SNTG1: variants seen among roughly 807,000 people sequenced by gnomAD.
SNTG1 encodes gamma-1-syntrophin.
A neutral mutation model predicts 74.7 loss-of-function variants in SNTG1; 39 were observed. The observed-to-expected ratio is 0.52, with a 90% confidence interval of 0.40 to 0.68. The LOEUF (loss-of-function observed/expected upper bound fraction) is 0.68. Ranked by LOEUF, SNTG1 falls within the 30% of genes least tolerant of loss-of-function variation. The pLI, the probability that SNTG1 is intolerant of heterozygous loss-of-function variation, is 0.00. For missense variants in SNTG1, 685 were observed against 609.5 expected, an observed-to-expected ratio of 1.12 and a Z score of -1.30; for synonymous variants, 254 against 217.1, an observed-to-expected ratio of 1.17 and a Z score of -1.49.
chr8:50,234,558 T>C (rs944152920), intron 2 of SNTG1, among the ~76,000 whole-genome samples: 2 of 152,056 alleles, frequency 1.3e-5, no homozygotes, highest in Non-Finnish European at 2.9e-5. Context: ...TATTTTACCA[T>C]ACTTACATCA....
chr8:50,365,066 A>G (rs558889516), intron 2 of SNTG1, among the ~76,000 whole-genome samples: 1 of 152,272 alleles, frequency 6.6e-6, no homozygotes, highest in African/African-American at 2.4e-5. Flanking sequence ...CCTTACATAT[A>G]CTACAAATCT....
intron 1 of SNTG1, among the ~76,000 whole-genome samples, chr8:50,146,772 G>A (rs2081884896): frequency 1.3e-5 from 2 of 151,968 alleles, no homozygotes. Context: ...TTTCAATGTA[G>A]TTTAAATTTA....
At chr8:50,711,772 C>T (rs1421888544) in intron 17 of SNTG1, among the ~76,000 whole-genome samples, 1 of 152,120 alleles carries the variant, frequency 6.6e-6, no homozygotes, top group Non-Finnish European at 1.5e-5. Context: ...AGTAGCATAT[C>T]AAGAGGTGAT....
At chr8:50,789,768 T>C (rs2095685934) in intron 18 of SNTG1, among the ~76,000 whole-genome samples, 1 of 152,124 alleles carries the variant, frequency 6.6e-6, no homozygotes, top group South Asian at 2.1e-4. Context: ...ACCAGAATCA[T>C]CATTTTCTGA....
chr8:50,357,292 G>T (rs1003156828), intron 2 of SNTG1, among the ~76,000 whole-genome samples: 1 of 152,210 alleles, frequency 6.6e-6, no homozygotes, highest in African/African-American at 2.4e-5. Context: ...TATTCCCACA[G>T]TGGGGACTAT....
intron 9 of SNTG1, among the ~76,000 whole-genome samples, chr8:50,517,243 G>C (rs184603939): frequency 6.8e-4 from 104 of 152,250 alleles, no homozygotes; most frequent in African/African-American, 2.4e-3. Flanking sequence ...AAAAGCAATT[G>C]CTGAGAAATT....
intron 15 of SNTG1, among the ~76,000 whole-genome samples, chr8:50,700,264 G>T (rs2095418989): frequency 6.6e-6 from 1 of 152,154 alleles, no homozygotes; most frequent in South Asian, 2.1e-4. Context: ...ATTATTACTT[G>T]CATATAACTT....
At chr8:50,150,160 G>A (rs1341512802) in intron 1 of SNTG1, among the ~76,000 whole-genome samples, 1 of 152,100 alleles carries the variant, frequency 6.6e-6, no homozygotes, top group Admixed American at 6.5e-5. Flanking sequence ...AAGCAATTGT[G>A]AAGGGGTGTT....
intron 2 of SNTG1, among the ~76,000 whole-genome samples, chr8:50,392,674 C>T (rs758487229): frequency 1.3e-5 from 2 of 152,062 alleles, no homozygotes; most frequent in Non-Finnish European, 2.9e-5. Flanking sequence ...ATATGAATTA[C>T]TTTTCTGAAC....
intron 15 of SNTG1, among the ~76,000 whole-genome samples, chr8:50,692,001 A>G (rs9918742): frequency 0.23 from 34,390 of 151,690 alleles, 4,053 homozygotes; most frequent in Middle Eastern, 0.31. Context: ...CATTCATTTC[A>G]TCTTCCATCA....
intron 2 of SNTG1, among the ~76,000 whole-genome samples, chr8:50,356,425 T>C (rs1390210751): frequency 6.6e-6 from 1 of 152,198 alleles, no homozygotes; most frequent in African/African-American, 2.4e-5. Context: ...AATGGCAGTG[T>C]TCTATTGAGC....
At chr8:50,693,649 C>T (rs1392048306) in intron 15 of SNTG1, among the ~76,000 whole-genome samples, 1 of 152,122 alleles carries the variant, frequency 6.6e-6, no homozygotes, top group Admixed American at 6.5e-5. Flanking sequence ...CACTTAACAG[C>T]AACAGAATAC....
chr8:50,651,472 G>A (rs1341246174), intron 13 of SNTG1, among the ~76,000 whole-genome samples: 2 of 151,768 alleles, frequency 1.3e-5, no homozygotes, highest in Admixed American at 6.6e-5. Flanking sequence ...TTCTTTTGGG[G>A]GGTGGATGGA....
intron 12 of SNTG1, among the ~76,000 whole-genome samples, chr8:50,586,718 T>C (rs2094650757): frequency 6.6e-6 from 1 of 151,852 alleles, no homozygotes; most frequent in African/African-American, 2.4e-5. Context: ...CTTTAAAATG[T>C]TGTGAAAGAT....
intron 8 of SNTG1, chr8:50,456,940 C>T (rs1448915827): frequency 6.6e-6 from 1 of 152,144 alleles, no homozygotes; most frequent in Non-Finnish European, 1.5e-5. Flanking sequence ...ACTCTCCTGT[C>T]TGGGGGGTTG....
At chr8:50,247,725 C>T (rs1460252007) in intron 2 of SNTG1, among the ~76,000 whole-genome samples, 2 of 151,534 alleles carry the variant, frequency 1.3e-5, no homozygotes, top group Admixed American at 1.3e-4. Flanking sequence ...GGTCTTGTCA[C>T]GTTGCCCAGA....
intron 1 of SNTG1, among the ~76,000 whole-genome samples, chr8:50,103,268 T>G (rs2080221371): frequency 6.6e-6 from 1 of 152,234 alleles, no homozygotes; most frequent in Non-Finnish European, 1.5e-5. Flanking sequence ...CTTGAAGAGG[T>G]CCTTCACGTC....
intron 2 of SNTG1, among the ~76,000 whole-genome samples, chr8:50,327,476 C>T (rs1336305030): frequency 6.6e-6 from 1 of 152,102 alleles, no homozygotes; most frequent in African/African-American, 2.4e-5. Flanking sequence ...AGTCTTTCTA[C>T]CCCAGCTTTC....
chr8:50,648,842 TCTC>T (rs1563691571), intron 13 of SNTG1, among the ~76,000 whole-genome samples: 1 of 152,164 alleles, frequency 6.6e-6, no homozygotes, highest in African/African-American at 2.4e-5. Flanking sequence ...ACTGACTTTC[TCTC>T]CTCTCACTTA....
Sources: allele counts gnomAD v4.1 joint callset (sites outside exome capture counted in the v4.1 genomes callset), GRCh38; gene constraint gnomAD v4.1.1; transcripts MANE v1.5; gene names NCBI Gene and HGNC (gene_info 2026-07-23, HGNC 2026-07-21).